Variants in CLPTM1L observed in about 807,000 individuals in gnomAD.
The protein encoded by CLPTM1L is CLPTM1 like.
CLPTM1L carries 38 observed loss-of-function variants against 70.9 expected under a neutral mutation model. The observed-to-expected ratio is 0.54, with a 90% CI of 0.41 to 0.70. The LOEUF is 0.70. CLPTM1L is among the 30% of genes least tolerant of loss of function. CLPTM1L has a pLI of 0.00. For missense variants in CLPTM1L, 652 were observed against 705.9 expected (o/e 0.92, Z 0.87); for synonymous variants, 339 against 299.9 (o/e 1.13, Z -1.35).
At chr5:1,333,493 TGAGGATAAGGGGGGACTAC>T (rs1753296713) in intron 7 of CLPTM1L, among the ~76,000 whole-genome samples, 1 of 125,404 alleles carries the variant, frequency 8.0e-6, no homozygotes, top group Non-Finnish European at 1.6e-5. Flanking sequence ...ACACACCAGA[TGAGGATAAGGGGGGACTAC>T]TGTATACACA....
intron 8 of CLPTM1L, chr5:1,330,771 T>G (rs1561240342): frequency 5.4e-6 from 1 of 186,040 alleles, no homozygotes; most frequent in Non-Finnish European, 1.1e-5. Context: ...AGCTGTACCT[T>G]AAGAACCACT....
chr5:1,337,408 C>T (rs1035416566), intron 5 of CLPTM1L, among the ~76,000 whole-genome samples: 1 of 152,252 alleles, frequency 6.6e-6, no homozygotes, highest in African/African-American at 2.4e-5. Context: ...CACTTCTATT[C>T]GCAAAGGCCT....
intron 8 of CLPTM1L, chr5:1,330,602 C>T (rs1392176486): frequency 1.8e-6 from 1 of 542,758 alleles, no homozygotes; most frequent in Non-Finnish European, 3.3e-6. Flanking sequence ...TGGCCCCACA[C>T]CAGCTCCACA....
chr5:1,324,065 AC>A (rs1170221454), intron 11 of CLPTM1L, 196 bp from the exon 12 acceptor site: 1 of 588,860 alleles, frequency 1.7e-6, no homozygotes, highest in Admixed American at 3.0e-5. Flanking sequence ...GAGGCACCGC[AC>A]ACGCCAGAGC....
At chr5:1,341,607 GA>G in intron 3 of CLPTM1L, 63 bp downstream of exon 3, 2 of 1,417,676 alleles carry the variant, frequency 1.4e-6, no homozygotes, top group Non-Finnish European at 1.9e-6. Context: ...CCTGTGTGGA[GA>G]AAGACATGTC....
chr5:1,322,744 T>A lies in CLPTM1L; in HGVS notation c.1315+133A>T. The A allele has an allele frequency of 3.3e-6, 3 of 910,030 alleles. No individual in the cohort carries two copies. The South Asian group carries it at 4.0e-5, about 12-fold the overall frequency. The allele number at this position is 910,030 out of a possible 1,614,324, so 56.4% of individuals were successfully genotyped here. On this transcript the variant is annotated intron_variant, in intron 13 of 16. Transcript: ENST00000320895. ...GGGGGAGCCCTGGGCACCGCACATG[T>A]GCCAGAACAGGGTGGGGAGGGATTA...
chr5:1,338,084 GCAC>G, intron 4 of CLPTM1L, 102 bp from the exon 5 acceptor site: 1 of 906,328 alleles, frequency 1.1e-6, no homozygotes, highest in East Asian at 2.6e-5. Flanking sequence ...AGTGCCCCCA[GCAC>G]CACCCTCAAC....
chr5:1,322,874 C>T lies in CLPTM1L; in HGVS notation c.1315+3G>A, dbSNP rs374530995. On this transcript the variant is annotated splice_donor_region_variant and intron_variant, in intron 13 of 16. Transcript: ENST00000320895. ...ACTGAAGCAGGGAAGCACATGGACT[C>T]ACCGTTGACGAAGCTGTTGATTAAC... 2.5e-6 allele frequency: 4 copies of T among 1,613,974 alleles called. No homozygotes were observed. Among genetic ancestry groups the T allele is most frequent in the Non-Finnish European group, 3.4e-6 (4 of 1,179,894 alleles).
Position 1,338,995 on chromosome 5 carries a change from G to T in CLPTM1L, c.464C>A (p.Ala155Glu). Residue 155 changes from alanine (A) to glutamate (E), a missense_variant, in exon 4 of 17, where the codon GCG becomes GAG. Ala to Glu is a moderately radical substitution (Grantham distance 107). This residue lies in a region of CLPTM1L where 402 missense variants were observed against 388.2 expected (regional missense o/e 1.04). Coordinates refer to ENST00000320895, the MANE Select transcript of CLPTM1L (RefSeq NM_030782.5). ...CAGGGCACTCGTCGGCTTCTTCTCCGCCTCGATCTGCTGTTAAGTGAGGAA... is the reference window on the plus strand; with the variant it reads ...CAGGGCACTCGTCGGCTTCTTCTCCTCCTCGATCTGCTGTTAAGTGAGGAA... Reference protein sequence around the residue: ...TGESDTQQIEAEKKPTSALDE... With the variant: ...TGESDTQQIEEEKKPTSALDE... 6.2e-7 allele frequency: 1 copy of T among 1,612,980 alleles called. No individual in the cohort carries two copies. Among genetic ancestry groups the T allele is most frequent in the South Asian group, 1.1e-5 (1 of 91,074 alleles).
At position 1,327,595 on chromosome 5, in the gene CLPTM1L, T is replaced by C. The variant is rs556225492; in HGVS notation, c.1081-1779A>G. On this transcript the variant is annotated intron_variant, in intron 9 of 16. Transcript: ENST00000320895. ...GGGACATTCCATCCAGCTCCTCCTC[T>C]ACAGACACATTTCATCCAGCTCCTC... Among the ~76,000 whole-genome samples, 11 of 149,162 alleles carry C rather than the reference T, an allele frequency of 7.4e-5. No homozygotes were observed. In the East Asian group the frequency reaches 2.2e-3, roughly 30 times the overall value.
intron 7 of CLPTM1L, among the ~76,000 whole-genome samples, chr5:1,333,017 G>A (rs76918419): frequency 1.0e-5 from 1 of 96,886 alleles, no homozygotes; most frequent in Non-Finnish European, 2.1e-5. Flanking sequence ...GAATACTGTA[G>A]ACACACCGGA....
At position 1,341,783 on chromosome 5, in the gene CLPTM1L, C is replaced by T; in HGVS notation, c.341G>A (p.Gly114Glu). 1 of 1,613,980 alleles carries T rather than the reference C, an allele frequency of 6.2e-7. No individual in the cohort carries two copies. The highest frequency in any genetic ancestry group is 8.5e-7 in the Non-Finnish European group (1 of 1,179,992). Residue 114 changes from glycine (G) to glutamate (E), a missense_variant, in exon 3 of 17, where the codon GGG becomes GAG. By Grantham distance (98) the Gly-to-Glu change is moderately conservative. Transcript: ENST00000320895. ...CTTCCCGTCGTGCCACGGCAGGACCCCAGCGTGATGGAGGAAGATGTAGGC... is the reference window on the plus strand; with the variant it reads ...CTTCCCGTCGTGCCACGGCAGGACCTCAGCGTGATGGAGGAAGATGTAGGC... ...LYAYIFLHHA[G>E]VLPWHDGKQV...
rs964988759 is a variant in CLPTM1L at position 1,318,111 on chromosome 5, G to GT, written c.*257dup. Reference sequence around the variant, plus strand: ...GGACATGGCCGAACCCCGGACACTCGTGTGCCGGGAGCCACCACAGCTCAA... The same window carrying GT: ...GGACATGGCCGAACCCCGGACACTCGTTGTGCCGGGAGCCACCACAGCTCAA... On this transcript the variant is annotated 3_prime_UTR_variant, in exon 17 of 17. Transcript: ENST00000320895. The surrounding 1 kb of genome is among the most constrained non-coding windows in gnomAD (Gnocchi z 8.9). The GT allele has an allele frequency of 1.3e-4, 67 of 503,544 alleles. No homozygotes were observed. The highest frequency in any genetic ancestry group is 1.3e-3 in the African/African-American group (66 of 51,098). 31.2% of individuals were successfully genotyped at this position (503,544 alleles called of 1,614,324 possible). A position where few individuals can be genotyped will look rare whatever the true frequency, so the allele number is the denominator to read the frequency against.
At chr5:1,333,611 C>A (rs1753314680) in intron 7 of CLPTM1L, among the ~76,000 whole-genome samples, 1 of 126,798 alleles carries the variant, frequency 7.9e-6, no homozygotes, top group Non-Finnish European at 1.5e-5. Flanking sequence ...GGATGAGGGA[C>A]TATTGTATAC....
At chr5:1,322,763 G>C (rs1752233566) in intron 13 of CLPTM1L, 114 bp downstream of exon 13, 6 of 1,060,524 alleles carry the variant, frequency 5.7e-6, no homozygotes, top group Admixed American at 5.1e-5. Context: ...AGGGTGGGGA[G>C]GGATTAGCCT....
intron 11 of CLPTM1L, among the ~76,000 whole-genome samples, chr5:1,324,533 T>C (rs1752388806): frequency 2.0e-5 from 3 of 152,182 alleles, no homozygotes; most frequent in Admixed American, 2.0e-4. Flanking sequence ...TACTATACGG[T>C]GACACAGGCA....
chr5:1,331,936 T>C, intron 7 of CLPTM1L, 53 bp from the exon 8 acceptor site: 4 of 1,456,372 alleles, frequency 2.7e-6, no homozygotes, highest in South Asian at 1.1e-5. Flanking sequence ...TTCCATCTCC[T>C]GTGAGACAGA....
chr5:1,325,855 G>C (rs749950861), intron 9 of CLPTM1L, 39 bp from the exon 10 acceptor site: 5 of 1,580,974 alleles, frequency 3.2e-6, no homozygotes, highest in East Asian at 2.2e-5. Flanking sequence ...TTTAATATTC[G>C]AAGGCCAGGA....
At position 1,321,656 on chromosome 5, in the gene CLPTM1L, G is replaced by A; in HGVS notation, c.1395C>T (p.Pro465=). Residue 465 remains proline, a synonymous_variant, in exon 15 of 17, where the codon CCC becomes CCT. Coordinates refer to ENST00000320895, the MANE Select transcript of CLPTM1L (RefSeq NM_030782.5). ...NYKLKSVAHL[P]WKAFTYKAFN... ...TCACCTTGTAGGTGAAGGCCTTCCA[G>A]GGCAGATGTGCCACTGACTTCAACT... 6.2e-7 allele frequency: 1 copy of A among 1,613,968 alleles called. No individual in the cohort carries two copies. Among genetic ancestry groups the A allele is most frequent in the East Asian group, 2.2e-5 (1 of 44,882 alleles).
Sources: allele counts gnomAD v4.1 joint callset (sites outside exome capture counted in the v4.1 genomes callset), GRCh38; gene constraint gnomAD v4.1.1; regional missense constraint gnomAD v4.1.1; non-coding constraint Gnocchi (gnomAD v3.1); transcripts MANE v1.5; gene names NCBI Gene and HGNC (gene_info 2026-07-23, HGNC 2026-07-21).